ZNF423: variants seen among roughly 807,000 people sequenced by gnomAD.
ZNF423 encodes the protein Ebf-associated zinc finger protein.
Under a neutral mutation model 95.8 loss-of-function variants are expected in ZNF423, and 12 were observed. The ratio of observed to expected loss-of-function variants is 0.13; its 90% CI spans 0.08 to 0.20. The LOEUF (loss-of-function observed/expected upper bound fraction) is 0.20. Among genes scored for constraint, ZNF423 ranks in the 10% least tolerant of loss-of-function variants. ZNF423 has a pLI of 1.00. For synonymous variants in ZNF423, 749 were observed against 711.9 expected, an observed-to-expected ratio of 1.05 and a Z score of -0.83; for missense variants, 1,316 against 1,737.1, an observed-to-expected ratio of 0.76 and a Z score of 4.31.
chr16:49,656,205 C>G (rs532680292), intron 3 of ZNF423, among the ~76,000 whole-genome samples: 5 of 152,102 alleles, frequency 3.3e-5, no homozygotes, highest in Admixed American at 2.0e-4. Flanking sequence ...GCTCTCAATG[C>G]GAATAAAGAA....
chr16:49,657,124 G>A (rs763712354), intron 3 of ZNF423, among the ~76,000 whole-genome samples: 4 of 152,212 alleles, frequency 2.6e-5, no homozygotes, highest in Non-Finnish European at 5.9e-5. Flanking sequence ...GATTGGGTCC[G>A]TATTCTCAGC....
chr16:49,500,994 A>G (rs1442800910), intron 7 of ZNF423, among the ~76,000 whole-genome samples: 1 of 152,202 alleles, frequency 6.6e-6, no homozygotes, highest in African/African-American at 2.4e-5. Context: ...GGGTCAAAGA[A>G]GATCATGCAC....
intron 2 of ZNF423, among the ~76,000 whole-genome samples, chr16:49,781,686 G>A (rs918502179): frequency 3.3e-5 from 5 of 152,162 alleles, no homozygotes; most frequent in African/African-American, 7.2e-5. Context: ...CCGGGCTTCT[G>A]GACATTTCTA....
chr16:49,678,076 G>C (rs550668585), intron 3 of ZNF423, among the ~76,000 whole-genome samples: 1 of 152,098 alleles, frequency 6.6e-6, no homozygotes, highest in East Asian at 1.9e-4. Flanking sequence ...CCAGCTACTC[G>C]GGACTCTGAG....
intron 1 of ZNF423, among the ~76,000 whole-genome samples, chr16:49,836,685 T>C (rs913638200): frequency 5.3e-5 from 8 of 152,042 alleles, no homozygotes; most frequent in Non-Finnish European, 1.0e-4. Flanking sequence ...CAGGAAGCCC[T>C]CAGAGAGCCC....
At chr16:49,641,585 T>G (rs1474556746) in intron 3 of ZNF423, among the ~76,000 whole-genome samples, 1 of 152,190 alleles carries the variant, frequency 6.6e-6, no homozygotes, top group Non-Finnish European at 1.5e-5. Flanking sequence ...CAGGGTTCAT[T>G]TGCTCCTAAA....
chr16:49,719,195 G>A (rs764479461), intron 3 of ZNF423, among the ~76,000 whole-genome samples: 8 of 152,236 alleles, frequency 5.3e-5, no homozygotes, highest in Admixed American at 2.6e-4. Flanking sequence ...TGCTTTTCCC[G>A]CCCAGGGGTG....
intron 5 of ZNF423, among the ~76,000 whole-genome samples, chr16:49,610,146 T>C (rs1481934647): frequency 6.6e-6 from 1 of 152,100 alleles, no homozygotes; most frequent in African/African-American, 2.4e-5. Context: ...AAAAGAAAAC[T>C]AAGAGAATGC....
intron 3 of ZNF423, among the ~76,000 whole-genome samples, chr16:49,677,878 G>A (rs2031185985): frequency 6.6e-6 from 1 of 152,026 alleles, no homozygotes; most frequent in Admixed American, 6.6e-5. Context: ...TGTTAAGAAT[G>A]AAATGAAAAT....
chr16:49,803,021 A>T (rs2034605777), intron 1 of ZNF423, among the ~76,000 whole-genome samples: 1 of 152,132 alleles, frequency 6.6e-6, no homozygotes. Context: ...TTGGGAGGCC[A>T]AGGTGGGAGG....
chr16:49,833,035 G>A (rs2035077623), intron 1 of ZNF423, among the ~76,000 whole-genome samples: 1 of 152,254 alleles, frequency 6.6e-6, no homozygotes, highest in African/African-American at 2.4e-5. Flanking sequence ...CATCTAAAAG[G>A]TTGGAAGGGC....
intron 5 of ZNF423, among the ~76,000 whole-genome samples, chr16:49,607,378 T>C (rs753367475): frequency 1.3e-5 from 2 of 152,200 alleles, no homozygotes; most frequent in Non-Finnish European, 2.9e-5. Flanking sequence ...AGGATTCATG[T>C]TATCAGTAGA....
At chr16:49,666,406 G>C (rs544835562) in intron 3 of ZNF423, among the ~76,000 whole-genome samples, 1 of 152,210 alleles carries the variant, frequency 6.6e-6, no homozygotes, top group South Asian at 2.1e-4. Context: ...CACAAACACA[G>C]AGTTACAAAC....
chr16:49,790,642 G>T (rs2034397480), intron 1 of ZNF423, among the ~76,000 whole-genome samples: 1 of 152,236 alleles, frequency 6.6e-6, no homozygotes, highest in Non-Finnish European at 1.5e-5. Flanking sequence ...CAGCCACCTT[G>T]CGAGTGGAGC....
At chr16:49,835,302 GAGA>G (rs2035105581) in intron 1 of ZNF423, among the ~76,000 whole-genome samples, 1 of 152,182 alleles carries the variant, frequency 6.6e-6, no homozygotes, top group South Asian at 2.1e-4. Flanking sequence ...GGAGGGTGGA[GAGA>G]AGAATACAGA....
intron 5 of ZNF423, among the ~76,000 whole-genome samples, chr16:49,595,125 G>A (rs1971142575): frequency 1.3e-5 from 2 of 152,206 alleles, no homozygotes; most frequent in Admixed American, 6.5e-5. Context: ...GGAGGGCAGG[G>A]AGTGCTGCTG....
intron 3 of ZNF423, among the ~76,000 whole-genome samples, chr16:49,718,736 G>A (rs1037511806): frequency 1.3e-5 from 2 of 152,104 alleles, no homozygotes; most frequent in East Asian, 1.9e-4. Flanking sequence ...GTCTTGCTGC[G>A]TCCTCACATG....
intron 7 of ZNF423, among the ~76,000 whole-genome samples, chr16:49,498,633 C>T (rs930059325): frequency 4.6e-5 from 7 of 152,314 alleles, no homozygotes; most frequent in African/African-American, 1.7e-4. Flanking sequence ...CCTTCTCGCC[C>T]ATCATTTCCC....
chr16:49,664,342 A>G (rs1238362034), intron 3 of ZNF423: 29 of 963,936 alleles, frequency 3.0e-5, no homozygotes, highest in Middle Eastern at 5.3e-4. Flanking sequence ...GCGGGAGAGG[A>G]AGGGCCTTGG....
Sources: gnomAD v4.1 joint callset for allele counts (sites outside exome capture counted in the v4.1 genomes callset) on GRCh38, gnomAD v4.1.1 for gene constraint, MANE v1.5 for transcripts, NCBI Gene and HGNC (gene_info 2026-07-23, HGNC 2026-07-21) for gene names.